APBB2: variants seen among roughly 807,000 people sequenced by gnomAD.
APBB2 encodes Fe65-like 1.
In APBB2, 38 loss-of-function variants were observed where a neutral mutation model predicts 82.5. That is an observed-to-expected ratio of 0.46 (90% CI 0.36 to 0.60). The LOEUF is 0.60. Among genes scored for constraint, APBB2 ranks in the 20% least tolerant of loss-of-function variants. The pLI is 0.00. For synonymous variants in APBB2, 341 were observed against 368.2 expected (o/e 0.93, Z 0.85); for missense variants, 772 against 972.3 (o/e 0.79, Z 2.74).
At chr4:40,960,955 C>T (rs1793017426) in intron 6 of APBB2, among the ~76,000 whole-genome samples, 2 of 138,664 alleles carry the variant, frequency 1.4e-5, no homozygotes, top group African/African-American at 5.6e-5. Flanking sequence ...TCCAAGAGCC[C>T]TCCTTTAAAA....
chr4:41,077,560 ATT>A lies in APBB2; in HGVS notation c.-148-11889_-148-11888del, dbSNP rs1736072959. On this transcript the variant is annotated intron_variant, in intron 3 of 17. Coordinates refer to ENST00000508593, the MANE Select transcript of APBB2 (RefSeq NM_004307.2). ...GAGCATGCAACAATTCTGTAACAAA[ATT>A]GGAAGCAGAAGAAAATGGAACAAAC... Among the ~76,000 whole-genome samples, 3 of 152,312 alleles carry A rather than the reference ATT, an allele frequency of 2.0e-5. No individual in the cohort carries two copies. The South Asian group carries it at 6.2e-4, about 32-fold the overall frequency.
chr4:41,196,758 G>A, intron 1 of APBB2, among the ~76,000 whole-genome samples: 1 of 151,834 alleles, frequency 6.6e-6, no homozygotes, highest in Admixed American at 6.6e-5. Context: ...TTCCTTTCAT[G>A]ATCAAAGAAA....
chr4:41,187,497 G>A (rs956718149), intron 1 of APBB2, among the ~76,000 whole-genome samples: 12 of 152,174 alleles, frequency 7.9e-5, no homozygotes, highest in Non-Finnish European at 1.5e-4. Context: ...CATGGGCTAT[G>A]AATTCAGAAG....
chr4:40,834,302 C>A lies in APBB2; in HGVS notation c.1530-3725G>T, dbSNP rs556511124. ...TAGAGGTCAAGAGATTTGTGCATTT[C>A]CCATTTCACTCTCATGTAACATATC... On this transcript the variant is annotated intron_variant, in intron 12 of 17. Transcript: ENST00000508593. 7.2e-5 allele frequency among the ~76,000 whole-genome samples: 11 copies of A among 152,264 alleles called. No individual in the cohort carries two copies. The South Asian group carries it at 2.3e-3, about 32-fold the overall frequency.
intron 2 of APBB2, among the ~76,000 whole-genome samples, chr4:41,117,826 T>G (rs1318270852): frequency 6.6e-6 from 1 of 152,102 alleles, no homozygotes; most frequent in Non-Finnish European, 1.5e-5. Flanking sequence ...ACAACATCTG[T>G]GCAAAGTCAC....
chr4:41,163,795 T>C (rs1477630676), intron 1 of APBB2, among the ~76,000 whole-genome samples: 1 of 152,208 alleles, frequency 6.6e-6, no homozygotes, highest in Non-Finnish European at 1.5e-5. Flanking sequence ...ATTTTCCACG[T>C]TAATTCTATT....
At chr4:40,899,632 T>C (rs550194296) in intron 10 of APBB2, among the ~76,000 whole-genome samples, 39 of 152,350 alleles carry the variant, frequency 2.6e-4, no homozygotes, top group African/African-American at 8.9e-4. Context: ...TGGGACATTG[T>C]AGGCCCTCAG....
rs1326367574 is a variant in APBB2 at position 41,100,626 on chromosome 4, T to TAAA, written c.-149+10_-149+12dup. The TAAA allele has an allele frequency of 6.6e-6, 1 of 152,202 alleles. No homozygotes were observed. The highest frequency in any genetic ancestry group is 1.5e-5 in the Non-Finnish European group (1 of 68,034). The allele number at this position is 152,202 out of a possible 1,614,324, so 9.4% of individuals were successfully genotyped here. On this transcript the variant is annotated intron_variant, in intron 3 of 17. Coordinates refer to ENST00000508593, the MANE Select transcript of APBB2 (RefSeq NM_004307.2). ...TAACAGAATTTTTTAAAAGCAAGTTTAAAATTACTTACTTTTCCCAGGTCT... is the reference window on the plus strand; with the variant it reads ...TAACAGAATTTTTTAAAAGCAAGTTTAAAAAAATTACTTACTTTTCCCAGGTCT...
At chr4:41,029,281 AT>A (rs1365517611) in intron 5 of APBB2, among the ~76,000 whole-genome samples, 1 of 152,254 alleles carries the variant, frequency 6.6e-6, no homozygotes, top group Non-Finnish European at 1.5e-5. Flanking sequence ...GAGAAGCTAA[AT>A]AAAGCTGGCT....
chr4:41,166,138 T>C (rs1011747532), intron 1 of APBB2, among the ~76,000 whole-genome samples: 1 of 150,526 alleles, frequency 6.6e-6, no homozygotes, highest in African/African-American at 2.4e-5. Context: ...CCTCCCAAAG[T>C]GCTGGGATTA....
chr4:40,991,684 A>G (rs1430597889), intron 6 of APBB2, among the ~76,000 whole-genome samples: 1 of 151,862 alleles, frequency 6.6e-6, no homozygotes, highest in Non-Finnish European at 1.5e-5. Flanking sequence ...TAGACTTTTC[A>G]CCCCCTCCTC....
chr4:40,980,483 A>T (rs1279991455), intron 6 of APBB2, among the ~76,000 whole-genome samples: 1 of 152,196 alleles, frequency 6.6e-6, no homozygotes, highest in Non-Finnish European at 1.5e-5. Context: ...CATGAGAGAA[A>T]AGGAAGAATG....
At chr4:40,974,790 G>A (rs564691121) in intron 6 of APBB2, among the ~76,000 whole-genome samples, 2 of 152,280 alleles carry the variant, frequency 1.3e-5, no homozygotes, top group African/African-American at 4.8e-5. Flanking sequence ...GCATACAGTC[G>A]CTGCCTTTAA....
chr4:41,169,178 C>T (rs62410010), intron 1 of APBB2, among the ~76,000 whole-genome samples: 18,457 of 122,416 alleles, frequency 0.15, 2,128 homozygotes, highest in African/African-American at 0.36. Flanking sequence ...AGCAACACTC[C>T]GTCTCAAAAA....
At chr4:41,174,268 A>G (rs772596467) in intron 1 of APBB2, among the ~76,000 whole-genome samples, 58 of 152,322 alleles carry the variant, frequency 3.8e-4, no homozygotes, top group Non-Finnish European at 3.7e-4. Flanking sequence ...TATAATACAT[A>G]CAAGCATGCA....
intron 6 of APBB2, among the ~76,000 whole-genome samples, chr4:40,977,013 C>T (rs774688927): frequency 1.1e-4 from 16 of 152,088 alleles, no homozygotes; most frequent in Non-Finnish European, 1.5e-4. Context: ...TGAGCCACTG[C>T]ACTCCAGCCT....
intron 17 of APBB2, among the ~76,000 whole-genome samples, chr4:40,816,773 T>C (rs146061307): frequency 6.6e-6 from 1 of 152,252 alleles, no homozygotes; most frequent in South Asian, 2.1e-4. Context: ...GAGGGTGTTA[T>C]GATTAAGTAA....
chr4:40,944,971 G>A lies in APBB2; in HGVS notation c.938C>T (p.Thr313Ile). ...IAGTYYWHIP[T>I]GTTQWERPVS... ...GGGCCGTTCCCACTGAGTCGTTCCT[G>A]TTGGGATGTGCCAATAATAGGTCCC... The change falls in exon 7 of 18, where the codon ACA (threonine) becomes ATA (isoleucine). Residue 313 changes from threonine (T) to isoleucine (I), a missense_variant. Physicochemically the swap from Thr to Ile is moderately conservative, Grantham distance 89 (BLOSUM62 -1). Transcript: ENST00000508593. The A allele has an allele frequency of 6.2e-7, 1 of 1,612,464 alleles. No individual in the cohort carries two copies. The highest frequency in any genetic ancestry group is 1.3e-5 in the African/African-American group (1 of 74,842).
At chr4:40,874,328 T>C (rs1204312689) in intron 12 of APBB2, among the ~76,000 whole-genome samples, 1 of 152,192 alleles carries the variant, frequency 6.6e-6, no homozygotes, top group Non-Finnish European at 1.5e-5. Flanking sequence ...CTAAAAGAAA[T>C]CTGCATTTCA....
Sources: allele counts gnomAD v4.1 joint callset (sites outside exome capture counted in the v4.1 genomes callset), GRCh38; gene constraint gnomAD v4.1.1; transcripts MANE v1.5; gene names NCBI Gene and HGNC (gene_info 2026-07-23, HGNC 2026-07-21).